Variants in CSMD1 observed in about 807,000 individuals in gnomAD.
CSMD1 encodes CUB and Sushi multiple domains 1.
CSMD1 carries 213 observed loss-of-function variants against 417.5 expected under a neutral mutation model. That is an observed-to-expected ratio of 0.51 (90% CI 0.46 to 0.57). The LOEUF is 0.57. Among genes scored for constraint, CSMD1 ranks in the 20% least tolerant of loss-of-function variants. The pLI, the probability that CSMD1 is intolerant of heterozygous loss-of-function variation, is 0.00. For synonymous variants in CSMD1, 2,862 were observed against 1,736.8 expected, an observed-to-expected ratio of 1.65 and a Z score of -16.11; for missense variants, 6,923 against 4,529.7, an observed-to-expected ratio of 1.53 and a Z score of -15.17.
chr8:4,053,058 G>A (rs1489638695), intron 3 of CSMD1, among the ~76,000 whole-genome samples: 2 of 152,132 alleles, frequency 1.3e-5, no homozygotes, highest in African/African-American at 2.4e-5. Context: ...GGAGTCCTTG[G>A]GAGGCTGTGT....
At chr8:2,963,116 T>C (rs895020610) in intron 60 of CSMD1, 106 bp downstream of exon 60, 199 of 1,250,136 alleles carry the variant, frequency 1.6e-4, no homozygotes, top group Non-Finnish European at 2.2e-4. Flanking sequence ...AGGGCTATTA[T>C]TACCCACCAG....
At chr8:2,954,367 T>A (rs1216316931) in intron 64 of CSMD1, 99 bp from the exon 65 acceptor site, 1 of 667,816 alleles carries the variant, frequency 1.5e-6, no homozygotes, top group Non-Finnish European at 2.5e-6. Context: ...TTCTCCAGAT[T>A]TTTTTAATGT....
intron 59 of CSMD1, among the ~76,000 whole-genome samples, chr8:2,965,179 C>T (rs1161477200): frequency 1.3e-5 from 2 of 152,132 alleles, no homozygotes; most frequent in African/African-American, 4.8e-5. Context: ...CTGTAAGAGC[C>T]AAGCCCACTC....
chr8:3,219,142 C>A (rs1008372971), intron 29 of CSMD1, 113 bp downstream of exon 29: 4 of 785,138 alleles, frequency 5.1e-6, no homozygotes, highest in African/African-American at 3.5e-5. Context: ...AGAGGAGACA[C>A]ATATCAGCAT....
chr8:3,554,057 G>C (rs1275797978), intron 10 of CSMD1, among the ~76,000 whole-genome samples: 1 of 152,326 alleles, frequency 6.6e-6, no homozygotes, highest in South Asian at 2.1e-4. Flanking sequence ...AAGATGGGAT[G>C]TGGATGTGTG....
chr8:4,630,825 C>T (rs1243731070), intron 2 of CSMD1, among the ~76,000 whole-genome samples: 1 of 152,172 alleles, frequency 6.6e-6, no homozygotes, highest in African/African-American at 2.4e-5. Flanking sequence ...GTGTGACAAG[C>T]TCTTCCACTG....
At chr8:3,198,823 A>G (rs185974988) in intron 33 of CSMD1, among the ~76,000 whole-genome samples, 4 of 152,320 alleles carry the variant, frequency 2.6e-5, no homozygotes, top group East Asian at 1.9e-4. Context: ...GAAAGAAACC[A>G]TTGCTAAGAA....
chr8:4,736,178 C>A (rs979939024), intron 1 of CSMD1, among the ~76,000 whole-genome samples: 1 of 152,088 alleles, frequency 6.6e-6, no homozygotes, highest in African/African-American at 2.4e-5. Context: ...ATATTAACTT[C>A]TTCTCTATGT....
intron 3 of CSMD1, among the ~76,000 whole-genome samples, chr8:4,285,749 G>C (rs549714000): frequency 6.6e-6 from 1 of 152,158 alleles, no homozygotes; most frequent in Non-Finnish European, 1.5e-5. Context: ...AGGAACTTCA[G>C]AGGTCAAAAT....
At chr8:3,596,421 A>G (rs751213780) in intron 8 of CSMD1, among the ~76,000 whole-genome samples, 1 of 152,166 alleles carries the variant, frequency 6.6e-6, no homozygotes, top group Non-Finnish European at 1.5e-5. Context: ...ACAATGGAGG[A>G]GGCTGATTCC....
chr8:3,486,784 G>C (rs1187632796), intron 11 of CSMD1, among the ~76,000 whole-genome samples: 2 of 152,220 alleles, frequency 1.3e-5, no homozygotes, highest in East Asian at 3.8e-4. Context: ...GGCTTTCCCA[G>C]ATAGCTCCAC....
intron 3 of CSMD1, among the ~76,000 whole-genome samples, chr8:4,052,234 G>A (rs72624071): frequency 0.12 from 17,523 of 152,178 alleles, 1,540 homozygotes; most frequent in East Asian, 0.35. Flanking sequence ...CAGTACTGCA[G>A]GATTTCTGAG....
chr8:4,674,247 T>G (rs1805532277), intron 1 of CSMD1, among the ~76,000 whole-genome samples: 1 of 151,846 alleles, frequency 6.6e-6, no homozygotes, highest in Admixed American at 6.6e-5. Context: ...TGGTCCTGAG[T>G]TGAAAAAAGC....
At chr8:4,795,873 G>C (rs1418466138) in intron 1 of CSMD1, among the ~76,000 whole-genome samples, 2 of 152,106 alleles carry the variant, frequency 1.3e-5, no homozygotes, top group Non-Finnish European at 2.9e-5. Context: ...GAACCATGAG[G>C]TGTTGTTCTC....
At chr8:4,644,225 T>C (rs538593862) in intron 1 of CSMD1, among the ~76,000 whole-genome samples, 3 of 152,224 alleles carry the variant, frequency 2.0e-5, no homozygotes, top group African/African-American at 7.2e-5. Flanking sequence ...TTCTTTCCCT[T>C]CCTTGAACAC....
At chr8:3,914,518 T>G (rs1808681472) in intron 5 of CSMD1, among the ~76,000 whole-genome samples, 1 of 152,222 alleles carries the variant, frequency 6.6e-6, no homozygotes, top group Non-Finnish European at 1.5e-5. Context: ...AGTTTAATTT[T>G]TGTAGCTCCT....
At chr8:3,434,927 G>A (rs1379090646) in intron 12 of CSMD1, among the ~76,000 whole-genome samples, 1 of 152,212 alleles carries the variant, frequency 6.6e-6, no homozygotes, top group Non-Finnish European at 1.5e-5. Flanking sequence ...ACTATCACGG[G>A]CTAGTCAGCA....
At chr8:4,409,817 AGTTT>A (rs1385291116) in intron 3 of CSMD1, among the ~76,000 whole-genome samples, 1 of 151,994 alleles carries the variant, frequency 6.6e-6, no homozygotes, top group Non-Finnish European at 1.5e-5. Flanking sequence ...CCGTACTTTT[AGTTT>A]GTTTGTCTTT....
At chr8:4,837,621 A>G (rs199731740) in intron 1 of CSMD1, among the ~76,000 whole-genome samples, 40 of 152,278 alleles carry the variant, frequency 2.6e-4, no homozygotes, top group African/African-American at 8.4e-4. Context: ...GAAGGACAGT[A>G]GGGAGTTGCT....
Sources: gnomAD v4.1 joint callset for allele counts (sites outside exome capture counted in the v4.1 genomes callset) on GRCh38, gnomAD v4.1.1 for gene constraint, MANE v1.5 for transcripts, NCBI Gene and HGNC (gene_info 2026-07-23, HGNC 2026-07-21) for gene names.